DYNC1LI1: variants seen among roughly 807,000 people sequenced by gnomAD.
DYNC1LI1 encodes dynein cytoplasmic 1 light intermediate chain 1.
In DYNC1LI1, 19 loss-of-function variants were observed where a neutral mutation model predicts 63.8. The ratio of observed to expected loss-of-function variants is 0.30; its 90% CI spans 0.21 to 0.44. DYNC1LI1 has a LOEUF of 0.44. Among genes scored for constraint, DYNC1LI1 ranks in the 20% least tolerant of loss-of-function variants. DYNC1LI1 has a pLI of 1.00. For missense variants in DYNC1LI1, 565 were observed against 630.2 expected, an observed-to-expected ratio of 0.90 and a Z score of 1.11; for synonymous variants, 225 against 232.3, an observed-to-expected ratio of 0.97 and a Z score of 0.28.
chr3:32,526,952 G>T (rs1292485290), intron 12 of DYNC1LI1, 44 bp from the exon 13 acceptor site: 1 of 1,390,660 alleles, frequency 7.2e-7, no homozygotes, highest in Admixed American at 1.8e-5. Context: ...AGATATAAGT[G>T]AAAGTATCGT....
intron 2 of DYNC1LI1, among the ~76,000 whole-genome samples, chr3:32,560,592 G>A (rs573333649): frequency 6.6e-6 from 1 of 152,134 alleles, no homozygotes; most frequent in East Asian, 1.9e-4. Context: ...CCCTGCAGCT[G>A]GCCAAAGCCC....
Position 32,570,234 on chromosome 3 carries a change from G to C in DYNC1LI1, c.220+112C>G, listed in dbSNP as rs778132074. 26 of 886,114 alleles carry C rather than the reference G, an allele frequency of 2.9e-5. No homozygotes were observed. In the South Asian group the frequency reaches 3.3e-4, roughly 11 times the overall value. 54.9% of individuals were successfully genotyped at this position (886,114 alleles called of 1,614,324 possible). A position where few individuals can be genotyped will look rare whatever the true frequency, so the allele number is the denominator to read the frequency against. On this transcript the variant is annotated intron_variant, in intron 2 of 12. Coordinates refer to ENST00000273130, the MANE Select transcript of DYNC1LI1 (RefSeq NM_016141.4). ...CGCGACAGGTCGGGAGGCGAGGCGG[G>C]GCGGGGCTGGGCCGGCTGTCCGCAC... is the stretch of plus-strand genomic sequence containing the variant.
chr3:32,538,058 TATAATTTATTATATATATATATAA>T (rs1697822159), intron 5 of DYNC1LI1, among the ~76,000 whole-genome samples: 1 of 81,926 alleles, frequency 1.2e-5, no homozygotes, highest in Non-Finnish European at 2.3e-5. Flanking sequence ...ATTATATATA[TATAATTTATTATATATATATATAA>T]AATTTATATA....
chr3:32,534,581 T>C lies in DYNC1LI1; in HGVS notation c.898A>G (p.Ile300Val), dbSNP rs778230309. Residue 300 changes from isoleucine (I) to valine (V), a missense_variant, in exon 7 of 13, where the codon ATC (isoleucine) becomes GTC (valine). Ile to Val is a conservative substitution (Grantham distance 29). Coordinates refer to ENST00000273130, the MANE Select transcript of DYNC1LI1 (RefSeq NM_016141.4). ...NKNIDLVYKYIVQKLYGFPYK... is the reference protein window; with the variant it reads ...NKNIDLVYKYVVQKLYGFPYK... ...GGAAATCCATATAGTTTCTGAACGATGTATTTATATACTAAGTCTATATTT... is the reference window on the plus strand; with the variant it reads ...GGAAATCCATATAGTTTCTGAACGACGTATTTATATACTAAGTCTATATTT... 3.1e-6 allele frequency: 5 copies of C among 1,592,748 alleles called. No individual in the cohort carries two copies. Among genetic ancestry groups the C allele is most frequent in the South Asian group, 2.2e-5 (2 of 89,814 alleles).
intron 12 of DYNC1LI1, 125 bp from the exon 13 acceptor site, chr3:32,527,033 C>T: frequency 1.6e-6 from 1 of 632,480 alleles, no homozygotes; most frequent in Non-Finnish European, 2.7e-6. Flanking sequence ...CTAAGTTATA[C>T]AAACAACACT....
chr3:32,560,833 C>T (rs1444295759), intron 2 of DYNC1LI1, among the ~76,000 whole-genome samples: 7 of 150,978 alleles, frequency 4.6e-5, no homozygotes, highest in African/African-American at 1.7e-4. Flanking sequence ...GAGAAACCCC[C>T]GTCTACTAAA....
At chr3:32,566,476 C>A in intron 2 of DYNC1LI1, 1 of 189,492 alleles carries the variant, frequency 5.3e-6, no homozygotes, top group South Asian at 7.5e-5. Flanking sequence ...ATATGCCCAG[C>A]GCAGTGGCTC....
intron 2 of DYNC1LI1, among the ~76,000 whole-genome samples, chr3:32,553,238 G>C (rs1397831049): frequency 6.6e-6 from 1 of 152,130 alleles, no homozygotes; most frequent in East Asian, 1.9e-4. Context: ...AGGAGGCTGA[G>C]GTGGGAGGAC....
intron 2 of DYNC1LI1, 86 bp downstream of exon 2, chr3:32,570,260 A>G (rs1320204753): frequency 5.3e-6 from 6 of 1,124,150 alleles, no homozygotes; most frequent in African/African-American, 1.6e-5. Flanking sequence ...CTGTCCGCAC[A>G]AAGAGAGCCA....
At chr3:32,560,526 G>A (rs1462973926) in intron 2 of DYNC1LI1, among the ~76,000 whole-genome samples, 2 of 151,960 alleles carry the variant, frequency 1.3e-5, no homozygotes, top group Non-Finnish European at 2.9e-5. Context: ...TACATAATAC[G>A]GTACCTAGCA....
At position 32,537,258 on chromosome 3, in the gene DYNC1LI1, T is replaced by C. The variant is rs1225842016; in HGVS notation, c.739-154A>G. 6 of 415,566 alleles carry C rather than the reference T, an allele frequency of 1.4e-5. No individual in the cohort carries two copies. In the Admixed American group the frequency reaches 1.7e-4, roughly 12 times the overall value. The allele number at this position is 415,566 out of a possible 1,614,324, so 25.7% of individuals were successfully genotyped here. A position where few individuals can be genotyped will look rare whatever the true frequency, so the allele number is the denominator to read the frequency against. On this transcript the variant is annotated intron_variant, in intron 5 of 12. Coordinates refer to ENST00000273130, the MANE Select transcript of DYNC1LI1 (RefSeq NM_016141.4). ...AGGACACAGAATATCAAGTACCCTA[T>C]GAACTTTTAGTTGGAGGGACTAATG...
At position 32,545,924 on chromosome 3, in the gene DYNC1LI1, G is replaced by C. The variant is rs376283937; in HGVS notation, c.262C>G (p.Gln88Glu). ...AGKTSLIRKI[Q>E]GIEEYKKGRG... The stretch of plus-strand genomic sequence containing the variant: ...CCTTTCTTATACTCCTCTATTCCCT[G>C]AATTTTTCTTATTAAGCTTGTTTTT... Residue 88 changes from glutamine to glutamate, a missense_variant, in exon 3 of 13, where the codon CAG (glutamine) becomes GAG (glutamate). Transcript: ENST00000273130. 6.2e-7 allele frequency: 1 copy of C among 1,612,214 alleles called. No homozygotes were observed. Among genetic ancestry groups the C allele is most frequent in the African/African-American group, 1.3e-5 (1 of 74,772 alleles).
At chr3:32,567,151 A>C (rs151230126) in intron 2 of DYNC1LI1, among the ~76,000 whole-genome samples, 24 of 152,372 alleles carry the variant, frequency 1.6e-4, no homozygotes, top group African/African-American at 5.8e-4. Context: ...CCCTTGCAGG[A>C]ACTTCTATCA....
chr3:32,527,099 T>C (rs982478528), intron 12 of DYNC1LI1, among the ~76,000 whole-genome samples, 191 bp from the exon 13 acceptor site: 5 of 152,194 alleles, frequency 3.3e-5, no homozygotes, highest in African/African-American at 1.2e-4. Flanking sequence ...CTCAGCACTT[T>C]GGGAGGCCAA....
At chr3:32,546,908 G>A (rs971932630) in intron 2 of DYNC1LI1, among the ~76,000 whole-genome samples, 11 of 152,130 alleles carry the variant, frequency 7.2e-5, no homozygotes, top group African/African-American at 4.8e-5. Context: ...AGAAAATCAC[G>A]TGATTTAAAT....
intron 2 of DYNC1LI1, among the ~76,000 whole-genome samples, chr3:32,562,833 A>T (rs1000890767): frequency 6.6e-6 from 1 of 152,116 alleles, no homozygotes; most frequent in Non-Finnish European, 1.5e-5. Context: ...ACCACTTCAA[A>T]GGATAGGGAG....
At chr3:32,569,599 A>G (rs1172789719) in intron 2 of DYNC1LI1, among the ~76,000 whole-genome samples, 1 of 152,190 alleles carries the variant, frequency 6.6e-6, no homozygotes, top group Non-Finnish European at 1.5e-5. Flanking sequence ...ATGATTCAGG[A>G]GCTAAGCCTA....
intron 2 of DYNC1LI1, among the ~76,000 whole-genome samples, chr3:32,561,344 T>C (rs923971282): frequency 1.3e-5 from 2 of 150,884 alleles, no homozygotes; most frequent in Non-Finnish European, 3.0e-5. Context: ...ATGGTAAAAA[T>C]GTGGCCAGGC....
At chr3:32,547,970 A>ATATATGTGTGTGTATGTGTAT (rs1697978819) in intron 2 of DYNC1LI1, among the ~76,000 whole-genome samples, 1 of 152,044 alleles carries the variant, frequency 6.6e-6, no homozygotes, top group Non-Finnish European at 1.5e-5. Flanking sequence ...TATGTATAAT[A>ATATATGTGTGTGTATGTGTAT]TATATGTGTG....
Sources: allele counts gnomAD v4.1 joint callset (sites outside exome capture counted in the v4.1 genomes callset), GRCh38; gene constraint gnomAD v4.1.1; transcripts MANE v1.5; gene names NCBI Gene and HGNC (gene_info 2026-07-23, HGNC 2026-07-21).